The following NAA38 variants were observed in gnomAD, a reference collection of about 807,000 sequenced individuals.
NAA38 encodes N-alpha-acetyltransferase 38, NatC auxiliary subunit.
In NAA38, 15 loss-of-function variants were observed where a neutral mutation model predicts 12.6. That is an observed-to-expected ratio of 1.19 (90% CI 0.79 to 1.83). NAA38 has a LOEUF of 1.83. NAA38 is among the 40% of genes most tolerant of loss of function. NAA38 has a pLI of 0.00. For synonymous variants in NAA38, 88 were observed against 69.9 expected (o/e 1.26, Z -1.29); for missense variants, 183 against 171.7 (o/e 1.07, Z -0.37).
At chr17:7,872,839 G>A (rs925910424) in intron 2 of NAA38, among the ~76,000 whole-genome samples, 2 of 152,182 alleles carry the variant, frequency 1.3e-5, no homozygotes, top group African/African-American at 4.8e-5. Flanking sequence ...TTAAACACTT[G>A]AAGCAGTCAA....
At chr17:7,872,059 A>G (rs930552023) in intron 2 of NAA38, among the ~76,000 whole-genome samples, 1 of 152,200 alleles carries the variant, frequency 6.6e-6, no homozygotes, top group African/African-American at 2.4e-5. Context: ...TTTCTGAGCT[A>G]GAGTAGTTTC....
chr17:7,865,232 G>A (rs899320428), intron 3 of NAA38: 4 of 152,102 alleles, frequency 2.6e-5, no homozygotes, highest in Non-Finnish European at 5.9e-5. Flanking sequence ...GCATAGGTAC[G>A]ATTTTTATTT....
At chr17:7,870,671 C>T (rs1967069988) in intron 2 of NAA38, among the ~76,000 whole-genome samples, 1 of 151,872 alleles carries the variant, frequency 6.6e-6, no homozygotes, top group South Asian at 2.1e-4. Context: ...CACCTGAGGT[C>T]AGGAGTTCAA....
At chr17:7,885,306 C>CG (rs1486178899), upstream of NAA38, 275 of 188,730 alleles carry the variant, frequency 1.5e-3, 2 homozygotes, top group East Asian at 7.3e-3. Flanking sequence ...CGCACCCCTC[C>CG]CCCGCCGCCG....
At chr17:7,884,845 G>A (rs1320870714) in intron 1 of NAA38, 2 of 1,097,494 alleles carry the variant, frequency 1.8e-6, no homozygotes, top group Non-Finnish European at 2.5e-6. Flanking sequence ...AGGAGGAGGA[G>A]GAGATGGTGG....
intron 2 of NAA38, chr17:7,883,091 T>C (rs1967316777): frequency 6.6e-6 from 1 of 152,256 alleles, no homozygotes; most frequent in East Asian, 1.9e-4. Context: ...TAGACCTCTC[T>C]GGGCAAATCT....
Position 7,881,714 on chromosome 17 carries a change from TAAGAG to T in NAA38, c.-66+1516_-66+1520del, listed in dbSNP as rs1967275743. Among the ~76,000 whole-genome samples, 3 of 144,766 alleles carry T rather than the reference TAAGAG, an allele frequency of 2.1e-5. No individual in the cohort carries two copies. In the South Asian group the frequency reaches 7.2e-4, roughly 35 times the overall value. The allele number at this position is 144,766 out of a possible 152,430, so 95.0% of individuals were successfully genotyped here. On this transcript the variant is annotated intron_variant, in intron 2 of 4. Coordinates refer to the NAA38 transcript ENST00000576861. ...AAAGGAGGAACTTAACAGGCACAAA[TAAGAG>T]AAGGAACAAGCAGAAGGGCAAGAGA...
chr17:7,873,522 T>G (rs1478098762), intron 2 of NAA38, among the ~76,000 whole-genome samples: 1 of 152,092 alleles, frequency 6.6e-6, no homozygotes, highest in Non-Finnish European at 1.5e-5. Flanking sequence ...TGCGGTAAGG[T>G]GGCAGCTAAA....
At chr17:7,856,975 G>C (rs776765824) in intron 2 of NAA38, 40 bp downstream of exon 2, 2 of 1,590,014 alleles carry the variant, frequency 1.3e-6, no homozygotes, top group South Asian at 2.2e-5. Context: ...GTAAGGTTCC[G>C]CCACATTACC....
At chr17:7,857,654 CG>C, upstream of NAA38, 3 of 1,339,578 alleles carry the variant, frequency 2.2e-6, no homozygotes, top group Non-Finnish European at 2.9e-6. Flanking sequence ...CTCACTGAAG[CG>C]TACTACGCCG....
chr17:7,863,674 A>G (rs1966912336), intron 3 of NAA38: 1 of 152,036 alleles, frequency 6.6e-6, no homozygotes, highest in African/African-American at 2.4e-5. Context: ...GTGTCTGTGG[A>G]TGTGTATTAT....
chr17:7,858,608 C>A (rs3744252), upstream of NAA38: 1 of 1,604,904 alleles, frequency 6.2e-7, no homozygotes, highest in Non-Finnish European at 8.5e-7. Context: ...CTTTAAAGAT[C>A]CGCAAGCACA....
chr17:7,860,739 A>T (rs1479802533), upstream of NAA38: 2 of 152,238 alleles, frequency 1.3e-5, no homozygotes, highest in Non-Finnish European at 2.9e-5. Context: ...GGGAGTTTGC[A>T]GAGTTCTCCT....
upstream of NAA38, chr17:7,858,876 A>G: frequency 2.1e-6 from 3 of 1,456,980 alleles, no homozygotes; most frequent in Non-Finnish European, 2.8e-6. Context: ...ATCCCAGCAA[A>G]TCTCCAGGCC....
At chr17:7,883,825 G>C (rs948842875) in intron 1 of NAA38, among the ~76,000 whole-genome samples, 16 of 148,586 alleles carry the variant, frequency 1.1e-4, no homozygotes, top group African/African-American at 4.0e-4. Context: ...ACTCCCTTCT[G>C]AAGTATTCAA....
rs554527151 is a variant in NAA38 at position 7,881,441 on chromosome 17, G to A, written c.-66+1794C>T. Among the ~76,000 whole-genome samples, 120 of 152,088 alleles carry A rather than the reference G, an allele frequency of 7.9e-4. 1 individual carries two copies. The highest frequency in any genetic ancestry group is 2.8e-3 in the African/African-American group (117 of 41,482). ...CAGAAAGACAGAAAAAGAGATAACT[G>A]AAATAAAGGCAAACGTGAGAGAAGG... is the stretch of plus-strand genomic sequence containing the variant. On this transcript the variant is annotated intron_variant, in intron 2 of 4. Transcript: ENST00000576861.
upstream of NAA38, chr17:7,859,870 G>C (rs778171286): frequency 2.1e-6 from 1 of 486,432 alleles, no homozygotes; most frequent in Non-Finnish European, 3.7e-6. Context: ...ATGTAGAAGA[G>C]GATAGTCAGA....
In NAA38 at chr17:7,866,448, A is replaced by C. The variant is rs1052938093; in HGVS notation, c.3+43T>G. The C allele has an allele frequency of 2.4e-6, 3 of 1,230,710 alleles. No homozygotes were observed. The African/African-American group carries it at 4.7e-5, about 19-fold the overall frequency. The allele number at this position is 1,230,710 out of a possible 1,614,324, so 76.2% of individuals were successfully genotyped here. On this transcript the variant is annotated intron_variant, in intron 3 of 4. Transcript: ENST00000576861. ...TAAAGTTCCCATGTTAAAAGTCTTC[A>C]AAGGCAACCTACTTCTCTTAAGATG...
At chr17:7,862,302 T>C (rs1037272087), upstream of NAA38, 1 of 152,180 alleles carries the variant, frequency 6.6e-6, no homozygotes, top group Non-Finnish European at 1.5e-5. Flanking sequence ...AACTCATCCG[T>C]CTATACCTAG....
Sources: gnomAD v4.1 joint callset for allele counts (sites outside exome capture counted in the v4.1 genomes callset) on GRCh38, gnomAD v4.1.1 for gene constraint, MANE v1.5 for transcripts, NCBI Gene and HGNC (gene_info 2026-07-23, HGNC 2026-07-21) for gene names.